Variants in GPR158 observed in about 807,000 individuals in gnomAD.
The protein encoded by GPR158 is metabotropic glycine receptor.
A neutral mutation model predicts 78.2 loss-of-function variants in GPR158; 30 were observed. The observed-to-expected ratio is 0.38, with a 90% CI of 0.29 to 0.52. The LOEUF is 0.52. GPR158 is among the 20% of genes least tolerant of loss of function. The pLI is 0.83. For synonymous variants in GPR158, 581 were observed against 591.1 expected (o/e 0.98, Z 0.25); for missense variants, 1,463 against 1,523.5 (o/e 0.96, Z 0.66).
intron 6 of GPR158, among the ~76,000 whole-genome samples, chr10:25,552,719 C>T (rs1007109786): frequency 6.6e-6 from 1 of 152,190 alleles, no homozygotes; most frequent in African/African-American, 2.4e-5. Flanking sequence ...TCCCGTCATT[C>T]TCTCCACACA....
At chr10:25,424,524 A>G (rs11014540) in intron 4 of GPR158, among the ~76,000 whole-genome samples, 17,955 of 150,702 alleles carry the variant, frequency 0.12, 1,043 homozygotes, top group East Asian at 0.16. Context: ...TAGGTCTAAC[A>G]TTTAAGTCTT....
chr10:25,183,714 C>T (rs1285217130), intron 1 of GPR158, among the ~76,000 whole-genome samples: 1 of 152,188 alleles, frequency 6.6e-6, no homozygotes, highest in Admixed American at 6.5e-5. Context: ...GTACCCACTG[C>T]ACCTATAGCT....
intron 4 of GPR158, among the ~76,000 whole-genome samples, chr10:25,425,549 T>C (rs573118864): frequency 2.0e-5 from 3 of 150,638 alleles, no homozygotes; most frequent in Middle Eastern, 3.4e-3. Context: ...TGAAGGTAAA[T>C]ATATGGTACT....
chr10:25,215,618 T>C (rs1015908897), intron 1 of GPR158, among the ~76,000 whole-genome samples: 5 of 152,180 alleles, frequency 3.3e-5, no homozygotes, highest in Non-Finnish European at 2.9e-5. Context: ...GTGGATCACC[T>C]GAGGTCAGGA....
intron 2 of GPR158, among the ~76,000 whole-genome samples, chr10:25,334,402 G>A (rs1187389428): frequency 6.6e-6 from 1 of 151,886 alleles, no homozygotes. Context: ...TATCATTTTT[G>A]TCCTGCTGGA....
chr10:25,322,482 T>C (rs1854966703), intron 2 of GPR158, among the ~76,000 whole-genome samples: 2 of 152,230 alleles, frequency 1.3e-5, no homozygotes, highest in South Asian at 4.1e-4. Context: ...AGAAAAGTCT[T>C]TGTATCTTTA....
intron 5 of GPR158, among the ~76,000 whole-genome samples, chr10:25,487,833 T>G (rs1835755116): frequency 6.6e-6 from 1 of 152,130 alleles, no homozygotes; most frequent in Non-Finnish European, 1.5e-5. Flanking sequence ...TTCAGATGAA[T>G]AAAATTGCGT....
chr10:25,474,750 G>T (rs67290477), intron 5 of GPR158, among the ~76,000 whole-genome samples: 22,060 of 152,086 alleles, frequency 0.15, 1,780 homozygotes, highest in East Asian at 0.19. Flanking sequence ...AATAGGCACG[G>T]AATGAGTGAA....
At chr10:25,559,494 G>C (rs1294672193) in intron 6 of GPR158, among the ~76,000 whole-genome samples, 1 of 152,112 alleles carries the variant, frequency 6.6e-6, no homozygotes, top group African/African-American at 2.4e-5. Context: ...TATTAGGTGT[G>C]AACAGAGATT....
At chr10:25,528,643 T>C (rs1836383255) in intron 5 of GPR158, among the ~76,000 whole-genome samples, 1 of 152,174 alleles carries the variant, frequency 6.6e-6, no homozygotes, top group Admixed American at 6.5e-5. Context: ...AAAGGAAACC[T>C]AAATAGAGAA....
intron 2 of GPR158, among the ~76,000 whole-genome samples, chr10:25,386,676 T>A (rs907273787): frequency 1.3e-5 from 2 of 152,200 alleles, no homozygotes; most frequent in East Asian, 3.8e-4. Flanking sequence ...TCTTGGTTAC[T>A]CCTAATCATT....
At position 25,477,736 on chromosome 10, in the gene GPR158, C is replaced by T. The variant is rs146414698; in HGVS notation, c.1404+11017C>T. Among the ~76,000 whole-genome samples the T allele has an allele frequency of 4.4e-3, 669 of 152,166 alleles. 12 individuals are homozygous for T. The highest frequency in any genetic ancestry group is 0.015 in the African/African-American group (642 of 41,514). On this transcript the variant is annotated intron_variant, in intron 5 of 10. Coordinates refer to ENST00000376351, the MANE Select transcript of GPR158 (RefSeq NM_020752.3). The stretch of plus-strand genomic sequence containing the variant: ...GAACATAACATTACTATTGGGAACA[C>T]AATAGTATGGGGATAGCCGTTTTAT...
rs767719724 is a variant in GPR158 at position 25,599,026 on chromosome 10, C to A, written c.3400C>A (p.Leu1134Ile). 1 of 1,614,102 alleles carries A rather than the reference C, an allele frequency of 6.2e-7. No individual in the cohort carries two copies. The highest frequency in any genetic ancestry group is 2.2e-5 in the East Asian group (1 of 44,866). The change falls in exon 11 of 11, where the codon CTC (leucine) becomes ATC (isoleucine). Residue 1134 changes from leucine to isoleucine, a missense_variant. Physicochemically the swap from Leu to Ile is conservative, Grantham distance 5. Transcript: ENST00000376351. ...AGCATCAAAAACAGAGAATGAAAATCTCAACCAAATAGGACACCAGGAAAA... is the reference window on the plus strand; with the variant it reads ...AGCATCAAAAACAGAGAATGAAAATATCAACCAAATAGGACACCAGGAAAA... ...AVASKTENENLNQIGHQEKKT... is the reference protein window; with the variant it reads ...AVASKTENENINQIGHQEKKT...
At position 25,422,367 on chromosome 10, in the gene GPR158, C is replaced by T. The variant is rs115395961; in HGVS notation, c.1335+9894C>T. On this transcript the variant is annotated intron_variant, in intron 4 of 10. Coordinates refer to ENST00000376351, the MANE Select transcript of GPR158 (RefSeq NM_020752.3). Reference sequence around the variant, plus strand: ...TTGGTATTAGATTCTCATAGGGGCACAAACCCTATTGTGAACTGCACATGT... The same window carrying T: ...TTGGTATTAGATTCTCATAGGGGCATAAACCCTATTGTGAACTGCACATGT... Among the ~76,000 whole-genome samples, 856 of 152,216 alleles carry T rather than the reference C, an allele frequency of 5.6e-3. 7 individuals are homozygous for T. Among genetic ancestry groups the T allele is most frequent in the African/African-American group, 0.019 (809 of 41,510 alleles).
intron 3 of GPR158, 40 bp downstream of exon 3, chr10:25,396,053 A>G (rs1181760812): frequency 1.2e-6 from 1 of 844,932 alleles, no homozygotes; most frequent in Non-Finnish European, 2.0e-6. Context: ...ATGTATATAC[A>G]TCATATATAC....
At chr10:25,303,041 G>A (rs563924514) in intron 2 of GPR158, among the ~76,000 whole-genome samples, 1 of 152,118 alleles carries the variant, frequency 6.6e-6, no homozygotes, top group Non-Finnish European at 1.5e-5. Context: ...GGTGCCCCAT[G>A]TCAAGATGGA....
rs373453591 is a variant in GPR158 at position 25,175,063 on chromosome 10, A to G, written c.-358A>G. ...AGCAGCAGCTTCTGAACGCGCCTCA[A>G]TGAGAGCGGCGGTGGCGGCAGCCGG... On this transcript the variant is annotated 5_prime_UTR_variant, in exon 1 of 11. An upstream start codon of the reference 5' UTR is lost. Coordinates refer to ENST00000376351, the MANE Select transcript of GPR158 (RefSeq NM_020752.3). The surrounding 1 kb of genome is among the most constrained non-coding windows in gnomAD (Gnocchi z 6.4). The G allele has an allele frequency of 3.6e-4, 76 of 209,302 alleles. No homozygotes were observed. Among genetic ancestry groups the G allele is most frequent in the African/African-American group, 1.5e-3 (65 of 42,762 alleles). 13.0% of individuals were successfully genotyped at this position (209,302 alleles called of 1,614,324 possible). A position where few individuals can be genotyped will look rare whatever the true frequency, so the allele number is the denominator to read the frequency against.
At chr10:25,210,478 C>G (rs1410440664) in intron 1 of GPR158, among the ~76,000 whole-genome samples, 3 of 152,184 alleles carry the variant, frequency 2.0e-5, no homozygotes, top group African/African-American at 7.2e-5. Context: ...AGTTTCCAGA[C>G]CCACCAGCAG....
rs902764408 is a variant in GPR158, at chr10:25,600,010, T to G, written c.*736T>G. ...GCCATAACTGTTACTATAAAAACTTTTAGTTTTGGCTGTGGTTTATATATT... is the reference window on the plus strand; with the variant it reads ...GCCATAACTGTTACTATAAAAACTTGTAGTTTTGGCTGTGGTTTATATATT... On this transcript the variant is annotated 3_prime_UTR_variant, in exon 11 of 11. Coordinates refer to ENST00000376351, the MANE Select transcript of GPR158 (RefSeq NM_020752.3). The G allele has an allele frequency of 1.6e-4, 24 of 152,664 alleles. 1 individual carries two copies. The highest frequency in any genetic ancestry group is 5.5e-4 in the African/African-American group (23 of 41,462). 9.5% of individuals were successfully genotyped at this position (152,664 alleles called of 1,614,324 possible). A position where few individuals can be genotyped will look rare whatever the true frequency, so the allele number is the denominator to read the frequency against.
Sources: allele counts gnomAD v4.1 joint callset (sites outside exome capture counted in the v4.1 genomes callset), GRCh38; gene constraint gnomAD v4.1.1; non-coding constraint Gnocchi (gnomAD v3.1); transcripts MANE v1.5; gene names NCBI Gene and HGNC (gene_info 2026-07-23, HGNC 2026-07-21).